KANK2: variants seen among roughly 807,000 people sequenced by gnomAD.
KANK2 encodes KN motif and ankyrin repeat domains 2.
A neutral mutation model predicts 74.6 loss-of-function variants in KANK2; 41 were observed. The ratio of observed to expected loss-of-function variants is 0.55; its 90% CI spans 0.43 to 0.71. KANK2 has a LOEUF of 0.71. KANK2 is among the 30% of genes least tolerant of loss of function. The pLI is 0.00. For synonymous variants in KANK2, 537 were observed against 519.0 expected, an observed-to-expected ratio of 1.03 and a Z score of -0.47; for missense variants, 1,148 against 1,196.4, an observed-to-expected ratio of 0.96 and a Z score of 0.60.
At chr19:11,192,074 A>G (rs1414987750) in intron 4 of KANK2, among the ~76,000 whole-genome samples, 1 of 152,090 alleles carries the variant, frequency 6.6e-6, no homozygotes, top group Non-Finnish European at 1.5e-5. Context: ...TAACGACAAC[A>G]AGAACAAGAT....
chr19:11,189,589 G>A (rs1177404892), intron 4 of KANK2, among the ~76,000 whole-genome samples: 9 of 103,628 alleles, frequency 8.7e-5, no homozygotes, highest in African/African-American at 3.5e-4. Flanking sequence ...GGGCGACAGA[G>A]CAAGACTCTG....
At chr19:11,182,586 G>T (rs543017508) in intron 4 of KANK2, among the ~76,000 whole-genome samples, 2 of 149,696 alleles carry the variant, frequency 1.3e-5, no homozygotes, top group South Asian at 4.2e-4. Context: ...GCTCACGATT[G>T]TAACCCCAGG....
intron 4 of KANK2, among the ~76,000 whole-genome samples, chr19:11,190,666 G>A (rs554565337): frequency 5.9e-5 from 9 of 152,172 alleles, no homozygotes; most frequent in Non-Finnish European, 8.8e-5. Context: ...TTGCTCACCA[G>A]TATCACACAG....
Position 11,178,346 on chromosome 19 carries a change from C to T in KANK2, c.1519G>A (p.Gly507Arg), listed in dbSNP as rs145571817. The T allele has an allele frequency of 2.0e-4, 305 of 1,512,634 alleles. No individual in the cohort carries two copies. The highest frequency in any genetic ancestry group is 7.6e-5 in the East Asian group (3 of 39,452). The allele number at this position is 1,512,634 out of a possible 1,614,324, so 93.7% of individuals were successfully genotyped here. A position where few individuals can be genotyped will look rare whatever the true frequency, so the allele number is the denominator to read the frequency against. ...RSLQFVGVNG[G>R]YESSSEDSST... The stretch of plus-strand genomic sequence containing the variant: ...GGGGGTGGGGTCTTCTCCTCTCACC[C>T]GCCGTTGACCCCCACGAACTGGAGG... The change falls in exon 6 of 13, where the codon GGG becomes AGG. Residue 507 changes from glycine (G) to arginine (R), a missense_variant and splice_region_variant. By Grantham distance (125) the Gly-to-Arg change is moderately radical. Coordinates refer to ENST00000586659, the MANE Select transcript of KANK2 (RefSeq NM_001136191.3).
At chr19:11,172,856 A>C in intron 10 of KANK2, 125 bp downstream of exon 10, 1 of 1,004,000 alleles carries the variant, frequency 1.0e-6, no homozygotes, top group Admixed American at 2.2e-5. Flanking sequence ...CCTGTGTCAG[A>C]GACAGCCTGG....
intron 12 of KANK2, among the ~76,000 whole-genome samples, chr19:11,168,391 G>A (rs2078083647): frequency 6.6e-6 from 1 of 151,758 alleles, no homozygotes; most frequent in South Asian, 2.1e-4. Flanking sequence ...AAATTCCTGG[G>A]TTCAGGTGAT....
chr19:11,172,836 A>T (rs2078215383), intron 10 of KANK2, 145 bp downstream of exon 10: 2 of 820,082 alleles, frequency 2.4e-6, no homozygotes, highest in East Asian at 4.9e-5. Flanking sequence ...TCTAGTTTCC[A>T]CAAGAAGGTC....
At position 11,192,985 on chromosome 19, in the gene KANK2, C is replaced by T. The variant is rs774804023; in HGVS notation, c.1095G>A (p.Arg365=). The stretch of plus-strand genomic sequence containing the variant: ...CAGGCCTACCAGGCATTGCCAGGGC[C>T]CTCAGCCCTGTGCCGTAAGGCTCCA... ...QSLEPYGTGL[R]ALAMPGRPES... The change falls in exon 4 of 13, where the codon AGG becomes AGA. Residue 365 remains arginine, a synonymous_variant. Coordinates refer to ENST00000586659, the MANE Select transcript of KANK2 (RefSeq NM_001136191.3). The T allele has an allele frequency of 1.2e-6, 2 of 1,614,022 alleles. No individual in the cohort carries two copies. Among genetic ancestry groups the T allele is most frequent in the East Asian group, 2.2e-5 (1 of 44,866 alleles).
At chr19:11,178,820 G>A (rs2147471463) in intron 4 of KANK2, 100 bp from the exon 5 acceptor site, 2 of 1,112,690 alleles carry the variant, frequency 1.8e-6, no homozygotes, top group East Asian at 3.0e-5. Flanking sequence ...TAACAGGGCT[G>A]ATTTTTGTGT....
chr19:11,190,672 C>A (rs1201046893), intron 4 of KANK2, among the ~76,000 whole-genome samples: 2 of 152,186 alleles, frequency 1.3e-5, no homozygotes, highest in Non-Finnish European at 2.9e-5. Flanking sequence ...ACCAGTATCA[C>A]ACAGCATGAG....
At chr19:11,173,691 C>G (rs547349858) in intron 9 of KANK2, among the ~76,000 whole-genome samples, 5 of 152,232 alleles carry the variant, frequency 3.3e-5, no homozygotes, top group Non-Finnish European at 7.3e-5. Context: ...GTGCCTCCCC[C>G]ACCAGACTGG....
chr19:11,187,778 T>C (rs774273847), intron 4 of KANK2, among the ~76,000 whole-genome samples: 7 of 152,156 alleles, frequency 4.6e-5, no homozygotes, highest in Non-Finnish European at 1.0e-4. Flanking sequence ...TTTTTGCATA[T>C]TAAGTATACG....
chr19:11,180,399 A>ATT (rs555980942), intron 4 of KANK2, among the ~76,000 whole-genome samples: 25 of 147,388 alleles, frequency 1.7e-4, no homozygotes, highest in African/African-American at 5.9e-4. Flanking sequence ...CCAGCCTTAA[A>ATT]TTTTTTTTTT....
intron 4 of KANK2, among the ~76,000 whole-genome samples, chr19:11,192,146 C>G (rs1249662907): frequency 2.6e-5 from 4 of 152,146 alleles, no homozygotes; most frequent in African/African-American, 9.6e-5. Flanking sequence ...AACACATTTC[C>G]TTTTCACTGC....
At chr19:11,191,907 A>G (rs930707163) in intron 4 of KANK2, among the ~76,000 whole-genome samples, 1 of 152,144 alleles carries the variant, frequency 6.6e-6, no homozygotes, top group African/African-American at 2.4e-5. Flanking sequence ...AAAATAAAAA[A>G]AATTAACGAG....
In KANK2 at chr19:11,189,216, G is replaced by A. The variant is rs187388440; in HGVS notation, c.1249+3615C>T. Among the ~76,000 whole-genome samples, 294 of 148,196 alleles carry A rather than the reference G, an allele frequency of 2.0e-3. 6 individuals carry two copies. Among genetic ancestry groups the A allele is most frequent in the South Asian group, 0.02 (92 of 4,640 alleles). On this transcript the variant is annotated intron_variant, in intron 4 of 12. Transcript: ENST00000586659. ...AAGCAGTCCTCCTGTTTTGGCCTCC[G>A]AAAGCTCCAGGATTACAGGCATAAG...
rs7188 is a variant in KANK2, at chr19:11,164,463, A to C, written c.*2095T>G. 40,796 of 152,016 alleles carry C rather than the reference A, an allele frequency of 0.27. 6,547 individuals are homozygous for C. Among genetic ancestry groups the C allele is most frequent in the Admixed American group, 0.39 (6,008 of 15,250 alleles). 9.4% of individuals were successfully genotyped at this position (152,016 alleles called of 1,614,324 possible). On this transcript the variant is annotated 3_prime_UTR_variant, in exon 13 of 13. Coordinates refer to ENST00000586659, the MANE Select transcript of KANK2 (RefSeq NM_001136191.3). The stretch of plus-strand genomic sequence containing the variant: ...GTCCAGTATCCCACGGAGAGAAGGA[A>C]GTGTAGAGAGATGCGTGGACCCATC...
rs751328990 is a variant in KANK2, at chr19:11,174,616, C to A, written c.1925G>T (p.Arg642Leu). ...CRSDAHPELV[R>L]RHLVTFRAMS... ...GGCCCGGAACGTGACCAGGTGCCGCCGCACCAGCTCGGGGTGTGCGTCGCT... is the reference window on the plus strand; with the variant it reads ...GGCCCGGAACGTGACCAGGTGCCGCAGCACCAGCTCGGGGTGTGCGTCGCT... The change falls in exon 9 of 13, where the codon CGG becomes CTG. Residue 642 changes from arginine (R) to leucine (L), a missense_variant. Transcript: ENST00000586659. 2.5e-6 allele frequency: 4 copies of A among 1,612,440 alleles called. No homozygotes were observed. The highest frequency in any genetic ancestry group is 3.4e-6 in the Non-Finnish European group (4 of 1,179,754).
chr19:11,188,697 T>C (rs984393958), intron 4 of KANK2, among the ~76,000 whole-genome samples: 2 of 151,632 alleles, frequency 1.3e-5, no homozygotes, highest in African/African-American at 4.8e-5. Flanking sequence ...AAGATGCTCC[T>C]TGGAGGGTGG....
Sources: gnomAD v4.1 joint callset for allele counts (sites outside exome capture counted in the v4.1 genomes callset) on GRCh38, gnomAD v4.1.1 for gene constraint, MANE v1.5 for transcripts, NCBI Gene and HGNC (gene_info 2026-07-23, HGNC 2026-07-21) for gene names.